ZMYM5: variants seen among roughly 807,000 people sequenced by gnomAD.
The protein encoded by ZMYM5 is zinc finger MYM-type protein 5.
In ZMYM5, 41 loss-of-function variants were observed where a neutral mutation model predicts 61.8. The ratio of observed to expected loss-of-function variants is 0.66; its 90% CI spans 0.52 to 0.86. The LOEUF (loss-of-function observed/expected upper bound fraction) is 0.86. ZMYM5 is among the 40% of genes least tolerant of loss of function. The probability of loss-of-function intolerance (pLI) is 0.00; values close to 1 mark genes in which losing one functional copy is unlikely to be tolerated. For missense variants in ZMYM5, 706 were observed against 786.7 expected (o/e 0.90, Z 1.23); for synonymous variants, 257 against 276.4 (o/e 0.93, Z 0.70).
At chr13:19,831,827 G>C (rs983596684) in intron 7 of ZMYM5, among the ~76,000 whole-genome samples, 23 of 148,922 alleles carry the variant, frequency 1.5e-4, no homozygotes, top group African/African-American at 5.7e-4. Flanking sequence ...ATATGTATAG[G>C]TGTATGTCTG....
At chr13:19,846,950 T>C (rs1953094104) in intron 4 of ZMYM5, among the ~76,000 whole-genome samples, 1 of 151,882 alleles carries the variant, frequency 6.6e-6, no homozygotes, top group Non-Finnish European at 1.5e-5. Flanking sequence ...AAATAAACAG[T>C]ATGAAAAAAA....
chr13:19,860,376 T>G (rs1358466825), intron 2 of ZMYM5, among the ~76,000 whole-genome samples: 4 of 149,486 alleles, frequency 2.7e-5, no homozygotes, highest in Admixed American at 2.0e-4. Context: ...CACCATAACC[T>G]CTGCCTCTCA....
chr13:19,830,354 G>A (rs1193648750), intron 7 of ZMYM5, among the ~76,000 whole-genome samples: 1 of 152,088 alleles, frequency 6.6e-6, no homozygotes, highest in Non-Finnish European at 1.5e-5. Flanking sequence ...GAAATATCAT[G>A]CCTATATTTG....
rs1428653062 is a variant in ZMYM5 at position 19,824,349 on chromosome 13, G to A, written c.*128C>T. ...CTATTTATTTGCTATCATACTTATT[G>A]CTAAGGAACTGCTGCAAGTTACTCT... On this transcript the variant is annotated 3_prime_UTR_variant, in exon 8 of 8. Transcript: ENST00000337963. 4.2e-6 allele frequency: 3 copies of A among 709,952 alleles called. No homozygotes were observed. Among genetic ancestry groups the A allele is most frequent in the African/African-American group, 1.9e-5 (1 of 52,106 alleles). 44.0% of individuals were successfully genotyped at this position (709,952 alleles called of 1,614,324 possible).
At chr13:19,856,747 T>C (rs1460656243) in intron 2 of ZMYM5, among the ~76,000 whole-genome samples, 1 of 151,958 alleles carries the variant, frequency 6.6e-6, no homozygotes, top group African/African-American at 2.4e-5. Context: ...GAGGTAGAAG[T>C]TGCAGTGAGT....
chr13:19,859,902 G>C (rs1419177476), intron 2 of ZMYM5, among the ~76,000 whole-genome samples: 6 of 150,052 alleles, frequency 4.0e-5, no homozygotes, highest in African/African-American at 1.5e-4. Context: ...TCAGGAGTTC[G>C]AGACCAGCCT....
At chr13:19,863,353 G>A (rs1170010835) in intron 1 of ZMYM5, 97 bp downstream of exon 1, 1 of 152,170 alleles carries the variant, frequency 6.6e-6, no homozygotes, top group Non-Finnish European at 1.5e-5. Context: ...AGGCCCCGAA[G>A]CGGCAACGGC....
intron 4 of ZMYM5, among the ~76,000 whole-genome samples, chr13:19,841,590 A>G (rs1259708819): frequency 1.3e-5 from 2 of 152,188 alleles, no homozygotes; most frequent in Non-Finnish European, 2.9e-5. Flanking sequence ...GGTATCAGAA[A>G]TGAAACTCCC....
Position 19,823,921 on chromosome 13 carries a change from C to T in ZMYM5, c.*556G>A, listed in dbSNP as rs1384663359. On this transcript the variant is annotated 3_prime_UTR_variant, in exon 8 of 8. Transcript: ENST00000337963. The stretch of plus-strand genomic sequence containing the variant: ...TGGTGCAATCTCAGCTCACTGCAAC[C>T]TCTGCCTCCTGGGTTCAAGCGATTC... 6.6e-6 allele frequency: 1 copy of T among 152,344 alleles called. No homozygotes were observed. The highest frequency in any genetic ancestry group is 2.4e-5 in the African/African-American group (1 of 41,448). 9.4% of individuals were successfully genotyped at this position (152,344 alleles called of 1,614,324 possible). A position where few individuals can be genotyped will look rare whatever the true frequency, so the allele number is the denominator to read the frequency against.
At chr13:19,835,914 C>T (rs191826275) in intron 6 of ZMYM5, among the ~76,000 whole-genome samples, 2 of 152,024 alleles carry the variant, frequency 1.3e-5, no homozygotes, top group African/African-American at 4.8e-5. Context: ...ACCTCTGCCT[C>T]CCATGTTCAA....
chr13:19,858,324 C>A (rs1953585878), intron 2 of ZMYM5, among the ~76,000 whole-genome samples: 1 of 151,978 alleles, frequency 6.6e-6, no homozygotes, highest in Non-Finnish European at 1.5e-5. Context: ...GTATAATGCC[C>A]CTGTAATCCC....
At chr13:19,855,846 C>A (rs190210352) in intron 2 of ZMYM5, among the ~76,000 whole-genome samples, 1 of 151,222 alleles carries the variant, frequency 6.6e-6, no homozygotes, top group Admixed American at 6.6e-5. Context: ...CCCATCTCTA[C>A]TAAAAAAATA....
chr13:19,834,994 C>CT (rs71070250), intron 7 of ZMYM5, among the ~76,000 whole-genome samples: 15,912 of 140,554 alleles, frequency 0.11, 986 homozygotes, highest in Middle Eastern at 0.15. Flanking sequence ...CATTTTCTTT[C>CT]TTTTTTTTTT....
intron 4 of ZMYM5, among the ~76,000 whole-genome samples, chr13:19,842,299 G>A (rs1952906691): frequency 6.6e-6 from 1 of 152,074 alleles, no homozygotes; most frequent in South Asian, 2.1e-4. Context: ...AAACCCATAA[G>A]ACCTAAATTT....
Position 19,848,144 on chromosome 13 carries a change from T to G in ZMYM5, c.586+3211A>C, listed in dbSNP as rs546419258. Among the ~76,000 whole-genome samples the G allele has an allele frequency of 3.0e-4, 45 of 151,802 alleles. 2 individuals carry two copies. In the East Asian group the frequency reaches 8.6e-3, roughly 29 times the overall value. On this transcript the variant is annotated intron_variant, in intron 4 of 7. Coordinates refer to ENST00000337963, the MANE Select transcript of ZMYM5 (RefSeq NM_001142684.2). The stretch of plus-strand genomic sequence containing the variant: ...TGCCACCATACCCAGCTAATTTTTT[T>G]TTGTTGTTTTTTGTATTTTTGTAAG...
chr13:19,836,424 G>A (rs957212067), intron 6 of ZMYM5, among the ~76,000 whole-genome samples: 2 of 151,928 alleles, frequency 1.3e-5, no homozygotes, highest in East Asian at 1.9e-4. Flanking sequence ...GACATGACCC[G>A]CTTAAAGGAA....
intron 6 of ZMYM5, among the ~76,000 whole-genome samples, chr13:19,836,930 T>C (rs952324846): frequency 2.6e-5 from 4 of 152,204 alleles, no homozygotes; most frequent in Non-Finnish European, 5.9e-5. Flanking sequence ...ACTTGTTCCA[T>C]GTGTTCTTGT....
Position 19,852,099 on chromosome 13 carries a change from G to C in ZMYM5, c.82C>G (p.Leu28Val), listed in dbSNP as rs9552017. Residue 28 changes from leucine (L) to valine (V), a missense_variant, in exon 3 of 8, where the codon CTC becomes GTC. Physicochemically the swap from Leu to Val is conservative, Grantham distance 32 (BLOSUM62 1). This residue lies in a region of ZMYM5 where 480 missense variants were observed against 461.7 expected (regional missense o/e 1.04). Transcript: ENST00000337963. ...CCAAATGAATCCCCTATGTCCATGAGACTAGTTGCCATGGCCATATTCCCT... is the reference window on the plus strand; with the variant it reads ...CCAAATGAATCCCCTATGTCCATGACACTAGTTGCCATGGCCATATTCCCT... ...LLGNMAMATS[L>V]MDIGDSFGHP... is the part of the protein sequence containing the mutation. 44 of 1,613,612 alleles carry C rather than the reference G, an allele frequency of 2.7e-5. No individual in the cohort carries two copies. Among genetic ancestry groups the C allele is most frequent in the Non-Finnish European group, 3.5e-5 (41 of 1,180,014 alleles).
In ZMYM5 at chr13:19,824,894, A is replaced by C. The variant is rs1367804994; in HGVS notation, c.1593T>G (p.Ile531Met). The change falls in exon 8 of 8, where the codon ATT becomes ATG. Residue 531 changes from isoleucine to methionine, a missense_variant. Around this residue, in one of 2 missense-constraint regions of ZMYM5, gnomAD observed 226 missense variants for 325.0 expected, o/e 0.70. Coordinates refer to ENST00000337963, the MANE Select transcript of ZMYM5 (RefSeq NM_001142684.2). ...DPGTWPRILNIKQRDTLVENV... is the reference protein window; with the variant it reads ...DPGTWPRILNMKQRDTLVENV... ...TTTCAACAAGAGTGTCCCGTTGTTT[A>C]ATATTCAAAATTCGGGGCCACGTAC... The C allele has an allele frequency of 5.2e-6, 7 of 1,357,678 alleles. No individual in the cohort carries two copies. In the Admixed American group the frequency reaches 5.9e-5, roughly 11 times the overall value. The allele number at this position is 1,357,678 out of a possible 1,614,324, so 84.1% of individuals were successfully genotyped here.
Sources: gnomAD v4.1 joint callset for allele counts (sites outside exome capture counted in the v4.1 genomes callset) on GRCh38, gnomAD v4.1.1 for gene constraint, gnomAD v4.1.1 regional missense constraint, MANE v1.5 for transcripts, NCBI Gene and HGNC (gene_info 2026-07-23, HGNC 2026-07-21) for gene names.